The following ASNS variants were observed in gnomAD, a reference collection of about 807,000 sequenced individuals.
The protein encoded by ASNS is asparagine synthetase [glutamine-hydrolyzing].
In ASNS, 37 loss-of-function variants were observed where a neutral mutation model predicts 62.6. That is an observed-to-expected ratio of 0.59 (90% CI 0.45 to 0.78). ASNS has a LOEUF of 0.78. Ranked by LOEUF, ASNS falls within the 30% of genes least tolerant of loss-of-function variation. ASNS has a pLI of 0.00. For synonymous variants in ASNS, 207 were observed against 237.9 expected (o/e 0.87, Z 1.19); for missense variants, 520 against 682.4 (o/e 0.76, Z 2.65).
upstream of ASNS, among the ~76,000 whole-genome samples, chr7:97,876,930 A>G (rs545778654): frequency 6.6e-6 from 1 of 152,246 alleles, no homozygotes; most frequent in African/African-American, 2.4e-5. Context: ...TGGGGCCACC[A>G]GGTAGCAAGG....
the ASNS span, among the ~76,000 whole-genome samples, chr7:97,913,319 AG>A: frequency 6.6e-6 from 1 of 152,168 alleles, no homozygotes; most frequent in Non-Finnish European, 1.5e-5. Flanking sequence ...TACCCATCCC[AG>A]AAGTCTCAGC....
the ASNS span, among the ~76,000 whole-genome samples, chr7:97,918,020 T>C: frequency 6.6e-6 from 1 of 152,186 alleles, no homozygotes. Flanking sequence ...GCCAGGATTG[T>C]TTGAGAAAGC....
intron 4 of ASNS, among the ~76,000 whole-genome samples, chr7:97,860,049 G>C (rs779049058): frequency 6.6e-6 from 1 of 152,084 alleles, no homozygotes; most frequent in African/African-American, 2.4e-5. Flanking sequence ...AGATCGTAAT[G>C]GACTATCTAC....
chr7:97,911,599 G>A, the ASNS span, among the ~76,000 whole-genome samples: 4 of 151,812 alleles, frequency 2.6e-5, no homozygotes, highest in Admixed American at 2.6e-4. Flanking sequence ...CCAAGGTCAC[G>A]CCACTGCACT....
chr7:97,861,991 G>T (rs924155876), intron 4 of ASNS, among the ~76,000 whole-genome samples: 3 of 152,140 alleles, frequency 2.0e-5, no homozygotes, highest in African/African-American at 7.2e-5. Context: ...CAGTTAAAGT[G>T]TGTCAAATAC....
chr7:97,896,454 C>T, the ASNS span, among the ~76,000 whole-genome samples: 1 of 148,120 alleles, frequency 6.8e-6, no homozygotes, highest in African/African-American at 2.5e-5. Context: ...ATTAGCCAGG[C>T]GTGGTGGTGG....
At chr7:97,928,242 C>A in the ASNS span, 2 of 1,527,724 alleles carry the variant, frequency 1.3e-6, no homozygotes, top group Non-Finnish European at 1.7e-6. Flanking sequence ...CCTCCTGGGC[C>A]GGCCATCCCT....
At chr7:97,868,293 A>G (rs1252155507) in intron 3 of ASNS, among the ~76,000 whole-genome samples, 1 of 152,100 alleles carries the variant, frequency 6.6e-6, no homozygotes, top group Non-Finnish European at 1.5e-5. Context: ...GGGTGACAGA[A>G]TGAGACTCTG....
At chr7:97,878,684 G>T in the ASNS span, among the ~76,000 whole-genome samples, 1 of 152,104 alleles carries the variant, frequency 6.6e-6, no homozygotes, top group Admixed American at 6.5e-5. Context: ...CTCATGGGTA[G>T]GAAGAATCAA....
Position 97,852,138 on chromosome 7 carries a change from G to C in ASNS, c.*121C>G, listed in dbSNP as rs1166863409. On this transcript the variant is annotated 3_prime_UTR_variant, in exon 13 of 13. Coordinates refer to ENST00000394308, the MANE Select transcript of ASNS (RefSeq NM_001673.5). The stretch of plus-strand genomic sequence containing the variant: ...TGACTACAGCAATGGTTTAGATTTA[G>C]GACTTTTATTTTTTTCACACCCAAG... The C allele has an allele frequency of 1.9e-6, 2 of 1,072,846 alleles. No homozygotes were observed. The highest frequency in any genetic ancestry group is 3.2e-5 in the African/African-American group (2 of 63,168). 66.5% of individuals were successfully genotyped at this position (1,072,846 alleles called of 1,614,324 possible). A position where few individuals can be genotyped will look rare whatever the true frequency, so the allele number is the denominator to read the frequency against.
chr7:97,854,816 A>C (rs41278824), intron 9 of ASNS, 136 bp from the exon 10 acceptor site: 28,415 of 1,497,584 alleles, frequency 0.019, 364 homozygotes, highest in Middle Eastern at 0.059. Context: ...AACTGAACAG[A>C]GGTAAGCAAT....
upstream of ASNS, among the ~76,000 whole-genome samples, chr7:97,876,484 G>A (rs113049670): frequency 2.0e-5 from 3 of 148,962 alleles, no homozygotes; most frequent in African/African-American, 7.5e-5. Flanking sequence ...CTGGAGTGCA[G>A]TGGTGCAATC....
the ASNS span, among the ~76,000 whole-genome samples, chr7:97,885,318 C>T: frequency 1.5e-3 from 212 of 144,718 alleles, no homozygotes; most frequent in African/African-American, 3.0e-3. Flanking sequence ...GTTGTTTTCA[C>T]TTTGGCGCTA....
chr7:97,901,900 C>T, the ASNS span, among the ~76,000 whole-genome samples: 5 of 152,110 alleles, frequency 3.3e-5, no homozygotes, highest in Non-Finnish European at 5.9e-5. Context: ...ATTGCTTGAA[C>T]CCAGGAGGTG....
chr7:97,887,676 A>T, the ASNS span, among the ~76,000 whole-genome samples: 1 of 152,254 alleles, frequency 6.6e-6, no homozygotes, highest in Non-Finnish European at 1.5e-5. Flanking sequence ...AGACATGCTC[A>T]TGCTAGATTG....
chr7:97,868,472 G>A (rs1402809839), intron 3 of ASNS, among the ~76,000 whole-genome samples: 2 of 151,880 alleles, frequency 1.3e-5, no homozygotes, highest in African/African-American at 4.8e-5. Context: ...ATATATTTAG[G>A]AGTGTCATAA....
the ASNS span, among the ~76,000 whole-genome samples, chr7:97,895,241 T>G: frequency 2.0e-5 from 3 of 152,212 alleles, no homozygotes; most frequent in Admixed American, 6.5e-5. Context: ...AAGGCATATG[T>G]GACAAATCTA....
At chr7:97,900,379 A>AC in the ASNS span, among the ~76,000 whole-genome samples, 3,269 of 150,144 alleles carry the variant, frequency 0.022, 73 homozygotes, top group Middle Eastern at 0.035. Flanking sequence ...AAAAAAAAAA[A>AC]AAAAACAGAA....
At position 97,853,210 on chromosome 7, in the gene ASNS, C is replaced by T; in HGVS notation, c.1326G>A (p.Gly442=). ...LPPEMRIPKN[G]IEKHLLRETF... ...TCTCTCTCAGGAGATGTTTTTCTAT[C>T]CCATTCTGACGTGACAAAAAAAGGA... The change falls in exon 12 of 13, where the codon GGG becomes GGA. Residue 442 remains glycine, a synonymous_variant. Coordinates refer to ENST00000394308, the MANE Select transcript of ASNS (RefSeq NM_001673.5). 6.2e-7 allele frequency: 1 copy of T among 1,605,732 alleles called. No individual in the cohort carries two copies. Among genetic ancestry groups the T allele is most frequent in the South Asian group, 1.1e-5 (1 of 89,454 alleles).
Sources: gnomAD v4.1 joint callset for allele counts (sites outside exome capture counted in the v4.1 genomes callset) on GRCh38, gnomAD v4.1.1 for gene constraint, MANE v1.5 for transcripts, NCBI Gene and HGNC (gene_info 2026-07-23, HGNC 2026-07-21) for gene names.